KCNQ1: variants seen among roughly 807,000 people sequenced by gnomAD.
KCNQ1 encodes the protein potassium voltage-gated channel subfamily KQT member 1.
KCNQ1 carries 49 observed loss-of-function variants against 72.4 expected under a neutral mutation model. The ratio of observed to expected loss-of-function variants is 0.68; its 90% confidence interval spans 0.54 to 0.86. The LOEUF (loss-of-function observed/expected upper bound fraction) is 0.86, where lower values mean the gene tolerates loss of function less well. Among genes scored for constraint, KCNQ1 ranks in the 40% least tolerant of loss-of-function variants. The probability of loss-of-function intolerance (pLI) is 0.00; values close to 1 mark genes in which losing one functional copy is unlikely to be tolerated. For missense variants in KCNQ1, 790 were observed against 945.1 expected (o/e 0.84, Z 2.15); for synonymous variants, 450 against 412.6 (o/e 1.09, Z -1.10).
chr11:2,590,216 A>G (rs1024163), intron 10 of KCNQ1, among the ~76,000 whole-genome samples: 24,127 of 152,130 alleles, frequency 0.16, 2,272 homozygotes, highest in East Asian at 0.26. Context: ...TCCCAGGAGA[A>G]AACACAGCAA....
At chr11:2,791,393 A>AC (rs1847019214) in intron 15 of KCNQ1, among the ~76,000 whole-genome samples, 1 of 152,216 alleles carries the variant, frequency 6.6e-6, no homozygotes, top group African/African-American at 2.4e-5. Flanking sequence ...GGCCAACCTC[A>AC]GAAAAACATG....
intron 2 of KCNQ1, among the ~76,000 whole-genome samples, chr11:2,528,256 G>A (rs1847545711): frequency 6.6e-6 from 1 of 152,216 alleles, no homozygotes; most frequent in African/African-American, 2.4e-5. Context: ...CTGGTGGTCT[G>A]AAAGGGCTTC....
At chr11:2,697,961 A>AT in intron 11 of KCNQ1, 1 of 398,648 alleles carries the variant, frequency 2.5e-6, no homozygotes, top group Non-Finnish European at 4.4e-6. Context: ...TACACCCATA[A>AT]TCAAGCAACT....
At chr11:2,527,092 C>T (rs908330377) in intron 1 of KCNQ1, among the ~76,000 whole-genome samples, 9 of 152,166 alleles carry the variant, frequency 5.9e-5, no homozygotes, top group Non-Finnish European at 8.8e-5. Flanking sequence ...ATGGTTCCGG[C>T]GATCAGAGAA....
At position 2,712,668 on chromosome 11, in the gene KCNQ1, C is replaced by T. The variant is rs969376561; in HGVS notation, c.1514+50587C>T. Among the ~76,000 whole-genome samples, 7 of 152,346 alleles carry T rather than the reference C, an allele frequency of 4.6e-5. No individual in the cohort carries two copies. Among genetic ancestry groups the T allele is most frequent in the African/African-American group, 1.7e-4 (7 of 41,578 alleles). The stretch of plus-strand genomic sequence containing the variant: ...AAGGGGCTGGCTAAGGCCCCCATCC[C>T]TGCTCAGGCCTACAGGAGAGCCCTG... On this transcript the variant is annotated intron_variant, in intron 11 of 15. Coordinates refer to ENST00000155840, the MANE Select transcript of KCNQ1 (RefSeq NM_000218.3). This position sits in a 1 kb window ranked among gnomAD's most constrained non-coding sequence, Gnocchi z 6.4.
intron 15 of KCNQ1, among the ~76,000 whole-genome samples, chr11:2,789,256 C>A (rs1376501695): frequency 2.6e-5 from 4 of 152,146 alleles, no homozygotes; most frequent in African/African-American, 9.7e-5. Flanking sequence ...AGCAGACGCT[C>A]TTCTGTCTTA....
At position 2,601,288 on chromosome 11, in the gene KCNQ1, G is replaced by A. The variant is rs894991129; in HGVS notation, c.1393+12434G>A. ...CTAATGATGCTGAGCATTTTTCCAC[G>A]TGCCTAGTGCCCAATTGTGTATCTT... is the stretch of plus-strand genomic sequence containing the variant. On this transcript the variant is annotated intron_variant, in intron 10 of 15. Transcript: ENST00000155840. The surrounding 1 kb of genome is among the most constrained non-coding windows in gnomAD (Gnocchi z 5.2). Among the ~76,000 whole-genome samples, 4 of 152,142 alleles carry A rather than the reference G, an allele frequency of 2.6e-5. No homozygotes were observed. The highest frequency in any genetic ancestry group is 7.2e-5 in the African/African-American group (3 of 41,510).
rs1424788678 is a variant in KCNQ1, at chr11:2,769,330, C to T, written c.1590+411C>T. 6.6e-6 allele frequency among the ~76,000 whole-genome samples: 1 copy of T among 152,198 alleles called. No homozygotes were observed. The highest frequency in any genetic ancestry group is 2.4e-5 in the African/African-American group (1 of 41,452). On this transcript the variant is annotated intron_variant, in intron 12 of 15. Transcript: ENST00000155840. The surrounding 1 kb of genome is among the most constrained non-coding windows in gnomAD (Gnocchi z 4.6). The stretch of plus-strand genomic sequence containing the variant: ...GCTGGGAAGGCAGGTCCCCCAGACC[C>T]CCCAGCCCTGTCCTCCACTGGCTCA...
At chr11:2,558,641 C>T (rs1294982644) in intron 2 of KCNQ1, among the ~76,000 whole-genome samples, 1 of 152,230 alleles carries the variant, frequency 6.6e-6, no homozygotes, top group African/African-American at 2.4e-5. Flanking sequence ...GGAACCCCCA[C>T]CCCGCCGGCT....
At position 2,838,698 on chromosome 11, in the gene KCNQ1, G is replaced by A. The variant is rs185633356; in HGVS notation, c.1795-9069G>A. Reference sequence around the variant, plus strand: ...GTGGGCAGACCTGGAGCAATGACACGAGAACGGCCAGGCAGCCCTGGCTTC... The same window carrying A: ...GTGGGCAGACCTGGAGCAATGACACAAGAACGGCCAGGCAGCCCTGGCTTC... On this transcript the variant is annotated intron_variant, in intron 15 of 15. Transcript: ENST00000155840. 4.4e-3 allele frequency among the ~76,000 whole-genome samples: 676 copies of A among 152,254 alleles called. 13 individuals are homozygous for A. Among genetic ancestry groups the A allele is most frequent in the Admixed American group, 0.035 (540 of 15,300 alleles).
rs78745834 is a variant in KCNQ1 at position 2,734,921 on chromosome 11, T to C, written c.1515-33923T>C. Reference sequence around the variant, plus strand: ...AGAGGTGATGTCTCCAGGAGGCTTCTGGGCCAGCAGCATGTTCCAGTGCGA... The same window carrying C: ...AGAGGTGATGTCTCCAGGAGGCTTCCGGGCCAGCAGCATGTTCCAGTGCGA... On this transcript the variant is annotated intron_variant, in intron 11 of 15. Coordinates refer to ENST00000155840, the MANE Select transcript of KCNQ1 (RefSeq NM_000218.3). The surrounding 1 kb of genome is among the most constrained non-coding windows in gnomAD (Gnocchi z 7.0). Among the ~76,000 whole-genome samples, 1 of 151,762 alleles carries C rather than the reference T, an allele frequency of 6.6e-6. No homozygotes were observed. The highest frequency in any genetic ancestry group is 2.4e-5 in the African/African-American group (1 of 41,302).
rs117258871 is a variant in KCNQ1, at chr11:2,647,026, A to G, written c.1394-14935A>G. 0.013 allele frequency: 5,087 copies of G among 398,612 alleles called. 154 individuals are homozygous for G. Among genetic ancestry groups the G allele is most frequent in the East Asian group, 0.079 (2,215 of 28,068 alleles). The allele number at this position is 398,612 out of a possible 1,614,324, so 24.7% of individuals were successfully genotyped here. A position where few individuals can be genotyped will look rare whatever the true frequency, so the allele number is the denominator to read the frequency against. On this transcript the variant is annotated intron_variant, in intron 10 of 15. Transcript: ENST00000155840. This position sits in a 1 kb window ranked among gnomAD's most constrained non-coding sequence, Gnocchi z 4.0. ...GGTGAGGACTTTTCTTACTCTGCTG[A>G]ATAAGAATAGTGAAAGTGGGCATCC...
At position 2,544,877 on chromosome 11, in the gene KCNQ1, A is replaced by G. The variant is rs1038004895; in HGVS notation, c.477+16859A>G. ...TACAAGTGAACACTGCTGTGTCCCC[A>G]GCCTTAGAAGACACACATCATTGTT... On this transcript the variant is annotated intron_variant, in intron 2 of 15. Transcript: ENST00000155840. This position sits in a 1 kb window ranked among gnomAD's most constrained non-coding sequence, Gnocchi z 4.4. Among the ~76,000 whole-genome samples, 5 of 152,194 alleles carry G rather than the reference A, an allele frequency of 3.3e-5. No homozygotes were observed. Among genetic ancestry groups the G allele is most frequent in the African/African-American group, 1.2e-4 (5 of 41,436 alleles).
chr11:2,454,717 C>G, intron 1 of KCNQ1, among the ~76,000 whole-genome samples: 1 of 152,124 alleles, frequency 6.6e-6, no homozygotes, highest in East Asian at 1.9e-4. Flanking sequence ...TGATAAAATT[C>G]ATCATCCCTT....
At position 2,687,394 on chromosome 11, in the gene KCNQ1, G is replaced by A. The variant is rs1850508828; in HGVS notation, c.1514+25313G>A. On this transcript the variant is annotated intron_variant, in intron 11 of 15. Transcript: ENST00000155840. The surrounding 1 kb of genome is among the most constrained non-coding windows in gnomAD (Gnocchi z 5.0). ...CACTCAGGGCTGAGCTCTGCTGAAG[G>A]ATCTGGGAGGTCAGTAGGCACCTGT... The A allele has an allele frequency of 5.0e-6, 2 of 398,662 alleles. No individual in the cohort carries two copies. Among genetic ancestry groups the A allele is most frequent in the Non-Finnish European group, 8.8e-6 (2 of 226,104 alleles). 24.7% of individuals were successfully genotyped at this position (398,662 alleles called of 1,614,324 possible). A position where few individuals can be genotyped will look rare whatever the true frequency, so the allele number is the denominator to read the frequency against.
At position 2,588,206 on chromosome 11, in the gene KCNQ1, G is replaced by T. The variant is rs2133759484; in HGVS notation, c.1252-507G>T. 6.6e-6 allele frequency among the ~76,000 whole-genome samples: 1 copy of T among 152,190 alleles called. No homozygotes were observed. The highest frequency in any genetic ancestry group is 2.1e-4 in the South Asian group (1 of 4,818). ...AGGGGTTGGGGCTGACGCTGGCATG[G>T]TTCCCCTTCCTGGCCCGTGCCCACC... On this transcript the variant is annotated intron_variant, in intron 9 of 15. Transcript: ENST00000155840. This position sits in a 1 kb window ranked among gnomAD's most constrained non-coding sequence, Gnocchi z 5.6.
At position 2,483,251 on chromosome 11, in the gene KCNQ1, G is replaced by T. The variant is rs982335354; in HGVS notation, c.386+37767G>T. On this transcript the variant is annotated intron_variant, in intron 1 of 15. Coordinates refer to ENST00000155840, the MANE Select transcript of KCNQ1 (RefSeq NM_000218.3). This position sits in a 1 kb window ranked among gnomAD's most constrained non-coding sequence, Gnocchi z 6.1. ...TTAAGATCCTGAGAGCAATGCGGGG[G>T]GTGTGAGTGATGAGGGACAACATCA... 6.6e-6 allele frequency among the ~76,000 whole-genome samples: 1 copy of T among 152,090 alleles called. No individual in the cohort carries two copies. The highest frequency in any genetic ancestry group is 2.4e-5 in the African/African-American group (1 of 41,410).
chr11:2,570,974 A>C lies in KCNQ1; in HGVS notation c.604+220A>C, dbSNP rs112946114. ...GTTGGGGGTAGGGGGTTGGTCCCTC[A>C]CAGATTCCCATGAGCCTCACAGCCC... On this transcript the variant is annotated intron_variant, in intron 3 of 15. Coordinates refer to ENST00000155840, the MANE Select transcript of KCNQ1 (RefSeq NM_000218.3). Among the ~76,000 whole-genome samples, 5,138 of 152,214 alleles carry C rather than the reference A, an allele frequency of 0.034. 242 individuals are homozygous for C. The highest frequency in any genetic ancestry group is 0.11 in the African/African-American group (4,510 of 41,530).
intron 11 of KCNQ1, chr11:2,667,692 G>A (rs968774338): frequency 1.0e-4 from 40 of 398,638 alleles, no homozygotes; most frequent in Non-Finnish European, 1.0e-4. Flanking sequence ...GCACGGAGGT[G>A]ACCTAGTCAG....
Sources: gnomAD v4.1 joint callset for allele counts (sites outside exome capture counted in the v4.1 genomes callset) on GRCh38, gnomAD v4.1.1 for gene constraint, Gnocchi (gnomAD v3.1) non-coding constraint, MANE v1.5 for transcripts, NCBI Gene and HGNC (gene_info 2026-07-23, HGNC 2026-07-21) for gene names.